The following SCAF8 variants were observed in gnomAD, a reference collection of about 807,000 sequenced individuals.
SCAF8 encodes SR-related and CTD-associated factor 8.
Under a neutral mutation model 140.5 loss-of-function variants are expected in SCAF8, and 23 were observed. The observed-to-expected ratio is 0.16, with a 90% CI of 0.12 to 0.23. The LOEUF (loss-of-function observed/expected upper bound fraction) is 0.23, where lower values mean the gene tolerates loss of function less well. Ranked by LOEUF, SCAF8 falls within the 10% of genes least tolerant of loss-of-function variation. SCAF8 has a pLI of 1.00. For missense variants in SCAF8, 1,397 were observed against 1,555.7 expected, an observed-to-expected ratio of 0.90 and a Z score of 1.72; for synonymous variants, 575 against 528.9, an observed-to-expected ratio of 1.09 and a Z score of -1.20.
chr6:154,786,042 T>C (rs1469753380), intron 3 of SCAF8, among the ~76,000 whole-genome samples: 2 of 152,200 alleles, frequency 1.3e-5, no homozygotes, highest in Non-Finnish European at 2.9e-5. Context: ...AGCCAATTTA[T>C]CAAGACAGGA....
intron 12 of SCAF8, among the ~76,000 whole-genome samples, chr6:154,810,491 G>C (rs926210075): frequency 6.6e-6 from 1 of 151,940 alleles, no homozygotes; most frequent in Non-Finnish European, 1.5e-5. Flanking sequence ...GCTGGTATCT[G>C]TAGCATGGAC....
intron 3 of SCAF8, among the ~76,000 whole-genome samples, chr6:154,783,857 G>A (rs1777155960): frequency 6.6e-6 from 1 of 151,950 alleles, no homozygotes; most frequent in South Asian, 2.1e-4. Flanking sequence ...CACTTGAGAG[G>A]TCAGGAGTTT....
chr6:154,793,449 GA>G (rs373141866), intron 5 of SCAF8, among the ~76,000 whole-genome samples: 40 of 151,338 alleles, frequency 2.6e-4, no homozygotes, highest in East Asian at 1.7e-3. Flanking sequence ...AAATTTTTAT[GA>G]AAAAATTTTT....
intron 12 of SCAF8, among the ~76,000 whole-genome samples, chr6:154,813,314 C>T (rs934103795): frequency 6.6e-6 from 1 of 152,104 alleles, no homozygotes; most frequent in Non-Finnish European, 1.5e-5. Context: ...TGCTTGAGGC[C>T]AGGAATTTGA....
intron 1 of SCAF8, among the ~76,000 whole-genome samples, chr6:154,769,923 C>G (rs998153130): frequency 6.6e-6 from 1 of 152,114 alleles, no homozygotes; most frequent in African/African-American, 2.4e-5. Context: ...GAATGGATTT[C>G]AAATGGGCCT....
rs749587089 is a variant in SCAF8, at chr6:154,832,696, T to A, written c.3117T>A (p.Val1039=). The A allele has an allele frequency of 3.1e-6, 5 of 1,613,848 alleles. No homozygotes were observed. The highest frequency in any genetic ancestry group is 1.6e-4 in the Middle Eastern group (1 of 6,082). ...CCCCTGTGGATGTTAGAGATGTGGT[T>A]GGGCGGCCTATAGATCCAAGAGAAG... ...RPPPVDVRDV[V]GRPIDPREGP... Residue 1039 remains valine (V), a synonymous_variant, in exon 20 of 20, where the codon GTT becomes GTA. Transcript: ENST00000367178.
chr6:154,805,383 A>C lies in SCAF8; in HGVS notation c.878A>C (p.Glu293Ala). Residue 293 changes from glutamate to alanine, a missense_variant, in exon 9 of 20, where the codon GAA (glutamate) becomes GCA (alanine). Physicochemically the swap from Glu to Ala is moderately radical, Grantham distance 107 (BLOSUM62 -1). Around this residue, in one of 5 missense-constraint regions of SCAF8, gnomAD observed 339 missense variants for 407.5 expected, o/e 0.83. Transcript: ENST00000367178. ...TTTCCTTTTAGTTCTCACGTTTCAGAATCTGTGAACAATTCCATTTTTCAT... is the reference window on the plus strand; with the variant it reads ...TTTCCTTTTAGTTCTCACGTTTCAGCATCTGTGAACAATTCCATTTTTCAT... ...IPASQLSHVS[E>A]SVNNSIFHQI... The C allele has an allele frequency of 6.2e-7, 1 of 1,606,872 alleles. No individual in the cohort carries two copies.
At chr6:154,809,133 C>T (rs1007715098) in intron 11 of SCAF8, among the ~76,000 whole-genome samples, 6 of 152,076 alleles carry the variant, frequency 3.9e-5, no homozygotes, top group African/African-American at 1.4e-4. Flanking sequence ...TCCTGGATTC[C>T]ACTCATCTCA....
At position 154,822,398 on chromosome 6, in the gene SCAF8, G is replaced by A; in HGVS notation, c.1915G>A (p.Ala639Thr). ...GGCAGAGGTTTTCCCTCCTCCTGTT[G>A]CTATGTTGCAGGTTAGTGTTGAAGT... ...TQAEVFPPPV[A>T]MLQIPVAPAV... The change falls in exon 16 of 20, where the codon GCT (alanine) becomes ACT (threonine). Residue 639 changes from alanine (A) to threonine (T), a missense_variant. Around this residue, in one of 5 missense-constraint regions of SCAF8, gnomAD observed 930 missense variants for 874.6 expected, o/e 1.06. Coordinates refer to ENST00000367178, the MANE Select transcript of SCAF8 (RefSeq NM_014892.5). 3 of 1,611,166 alleles carry A rather than the reference G, an allele frequency of 1.9e-6. No individual in the cohort carries two copies. The East Asian group carries it at 6.7e-5, about 36-fold the overall frequency.
intron 17 of SCAF8, chr6:154,825,352 T>G (rs1195265729): frequency 6.6e-6 from 1 of 152,124 alleles, no homozygotes; most frequent in African/African-American, 2.4e-5. Flanking sequence ...TATAGATTAC[T>G]TAAACACAAC....
intron 1 of SCAF8, among the ~76,000 whole-genome samples, chr6:154,749,998 G>A (rs973863841): frequency 1.3e-5 from 2 of 152,044 alleles, no homozygotes; most frequent in Non-Finnish European, 2.9e-5. Flanking sequence ...AGCTGGATAT[G>A]AGGAAGATGG....
chr6:154,827,835 G>GGA (rs1562466883), intron 18 of SCAF8, among the ~76,000 whole-genome samples: 1 of 39,810 alleles, frequency 2.5e-5, no homozygotes, highest in Non-Finnish European at 7.5e-5. Context: ...GGGGCGGGGC[G>GGA]GGGGGGGGGG....
intron 6 of SCAF8, among the ~76,000 whole-genome samples, chr6:154,799,134 C>T (rs886337936): frequency 4.0e-5 from 6 of 150,912 alleles, no homozygotes; most frequent in Non-Finnish European, 8.9e-5. Context: ...CCCGCCACCA[C>T]GCCGAGCTAA....
At chr6:154,788,424 G>A (rs771154517) in intron 4 of SCAF8, among the ~76,000 whole-genome samples, 10 of 152,120 alleles carry the variant, frequency 6.6e-5, no homozygotes, top group Non-Finnish European at 1.3e-4. Context: ...AAGTGGCACA[G>A]GACTGTATAT....
intron 13 of SCAF8, among the ~76,000 whole-genome samples, chr6:154,817,634 A>G (rs1318567819): frequency 6.6e-6 from 1 of 152,208 alleles, no homozygotes; most frequent in African/African-American, 2.4e-5. Context: ...TTTCTCTTTT[A>G]ATAAGTTTGA....
intron 6 of SCAF8, among the ~76,000 whole-genome samples, chr6:154,797,349 C>CT (rs1482517069): frequency 1.3e-5 from 2 of 151,242 alleles, no homozygotes; most frequent in Non-Finnish European, 3.0e-5. Context: ...CTTCTCTTTC[C>CT]TTTTTGATCC....
At chr6:154,802,285 CA>C (rs1293938055) in intron 7 of SCAF8, 138 bp downstream of exon 7, 1 of 519,956 alleles carries the variant, frequency 1.9e-6, no homozygotes, top group African/African-American at 2.0e-5. Flanking sequence ...CTGAATTTTA[CA>C]AAAGGTTCAA....
chr6:154,791,779 T>A (rs1583038577), intron 4 of SCAF8, among the ~76,000 whole-genome samples: 2 of 152,280 alleles, frequency 1.3e-5, no homozygotes, highest in South Asian at 4.1e-4. Flanking sequence ...CAAAGAACTC[T>A]GACTATTTGA....
At chr6:154,808,014 C>T (rs1456079702) in intron 9 of SCAF8, 56 bp from the exon 10 acceptor site, 6 of 1,489,920 alleles carry the variant, frequency 4.0e-6, no homozygotes, top group Non-Finnish European at 5.5e-6. Context: ...TTTACATTTT[C>T]ATTCATAACA....
Sources: allele counts gnomAD v4.1 joint callset (sites outside exome capture counted in the v4.1 genomes callset), GRCh38; gene constraint gnomAD v4.1.1; regional missense constraint gnomAD v4.1.1; transcripts MANE v1.5; gene names NCBI Gene and HGNC (gene_info 2026-07-23, HGNC 2026-07-21).